Variants in UNC13C observed in about 807,000 individuals in gnomAD.
The protein encoded by UNC13C is unc-13 homolog C.
A neutral mutation model predicts 245.4 loss-of-function variants in UNC13C; 174 were observed. The observed-to-expected ratio is 0.71, with a 90% confidence interval of 0.63 to 0.80. The LOEUF (loss-of-function observed/expected upper bound fraction) is 0.80. Among genes scored for constraint, UNC13C ranks in the 30% least tolerant of loss-of-function variants. The pLI is 0.00. For missense variants in UNC13C, 2,829 were observed against 2,602.9 expected (o/e 1.09, Z -1.89); for synonymous variants, 992 against 895.1 (o/e 1.11, Z -1.93).
chr15:53,952,054 T>C, the UNC13C span, among the ~76,000 whole-genome samples: 1 of 152,260 alleles, frequency 6.6e-6, no homozygotes, highest in African/African-American at 2.4e-5. Flanking sequence ...AATAGGATGA[T>C]GTGAGGGTTT....
chr15:54,286,464 C>T (rs1203570343), intron 10 of UNC13C, among the ~76,000 whole-genome samples: 4 of 152,150 alleles, frequency 2.6e-5, no homozygotes, highest in Non-Finnish European at 5.9e-5. Flanking sequence ...TGTTGTATTC[C>T]GAGATGGTTA....
At chr15:54,614,900 C>T (rs931025807) in intron 30 of UNC13C, among the ~76,000 whole-genome samples, 4 of 151,880 alleles carry the variant, frequency 2.6e-5, no homozygotes, top group Non-Finnish European at 2.9e-5. Flanking sequence ...TTTTAAAAAT[C>T]CTGATTTATT....
chr15:53,970,012 G>C, the UNC13C span, among the ~76,000 whole-genome samples: 9,878 of 150,766 alleles, frequency 0.066, 667 homozygotes, highest in African/African-American at 0.17. Context: ...AGCATAATGT[G>C]CTCACAGTTC....
At chr15:54,491,006 A>G (rs1209998368) in intron 19 of UNC13C, among the ~76,000 whole-genome samples, 2 of 152,226 alleles carry the variant, frequency 1.3e-5, no homozygotes, top group South Asian at 2.1e-4. Flanking sequence ...GGCACTTGCC[A>G]TATTGTATTG....
At position 54,112,255 on chromosome 15, in the gene UNC13C, C is replaced by T. The variant is rs532890427; in HGVS notation, c.2984-30763C>T. Among the ~76,000 whole-genome samples, 9 of 152,120 alleles carry T rather than the reference C, an allele frequency of 5.9e-5. No individual in the cohort carries two copies. The South Asian group carries it at 1.2e-3, about 21-fold the overall frequency. On this transcript the variant is annotated intron_variant, in intron 2 of 32. Coordinates refer to ENST00000260323, the MANE Select transcript of UNC13C (RefSeq NM_001080534.3). ...ACACTTGTGGAGTGAGGTTAAGAGC[C>T]GAGGTTTAATATGCAAAGAAAGAGA... is the stretch of plus-strand genomic sequence containing the variant.
chr15:54,486,511 A>G (rs1893420935), intron 19 of UNC13C, among the ~76,000 whole-genome samples: 1 of 152,114 alleles, frequency 6.6e-6, no homozygotes, highest in South Asian at 2.1e-4. Context: ...TAGAATAGTC[A>G]ATAAATATAT....
At chr15:54,068,976 A>G (rs145359364) in intron 2 of UNC13C, among the ~76,000 whole-genome samples, 96 of 152,326 alleles carry the variant, frequency 6.3e-4, no homozygotes, top group Middle Eastern at 3.4e-3. Flanking sequence ...TAAAAAGTTC[A>G]TTAGACTTAC....
chr15:54,079,967 AT>A (rs1379304699), intron 2 of UNC13C, among the ~76,000 whole-genome samples: 1 of 127,068 alleles, frequency 7.9e-6, no homozygotes, highest in Non-Finnish European at 1.7e-5. Flanking sequence ...GGCTTTGATT[AT>A]TTTGAGGTAC....
At chr15:54,054,156 G>A (rs919095560) in intron 2 of UNC13C, among the ~76,000 whole-genome samples, 2 of 152,086 alleles carry the variant, frequency 1.3e-5, no homozygotes, top group South Asian at 2.1e-4. Flanking sequence ...GGGGATTGCT[G>A]GAGTATATCA....
intron 4 of UNC13C, among the ~76,000 whole-genome samples, chr15:54,184,837 T>G (rs546665896): frequency 1.3e-5 from 2 of 152,136 alleles, no homozygotes; most frequent in East Asian, 3.9e-4. Flanking sequence ...CCTGAGCAAT[T>G]GCCACACCGA....
chr15:54,598,303 C>T (rs1192268640), intron 30 of UNC13C, among the ~76,000 whole-genome samples: 1 of 152,202 alleles, frequency 6.6e-6, no homozygotes, highest in Non-Finnish European at 1.5e-5. Context: ...CCATGTTGGC[C>T]AGACTGGCCT....
At chr15:53,852,272 G>A in the UNC13C span, among the ~76,000 whole-genome samples, 1 of 152,158 alleles carries the variant, frequency 6.6e-6, no homozygotes, top group Admixed American at 6.5e-5. Context: ...TGATTGGATT[G>A]TTGAGTAAGA....
At chr15:54,616,927 TCTATGTTTAG>T (rs1430954985) in intron 30 of UNC13C, among the ~76,000 whole-genome samples, 3 of 152,050 alleles carry the variant, frequency 2.0e-5, no homozygotes, top group Non-Finnish European at 4.4e-5. Flanking sequence ...CTATATCTTC[TCTATGTTTAG>T]CTATGTTTAG....
chr15:54,612,411 G>C (rs1011021213), intron 30 of UNC13C, among the ~76,000 whole-genome samples: 6 of 151,928 alleles, frequency 3.9e-5, no homozygotes, highest in African/African-American at 1.4e-4. Flanking sequence ...TATACATTAG[G>C]GATAGTAACC....
intron 4 of UNC13C, among the ~76,000 whole-genome samples, chr15:54,222,199 A>G (rs1278062548): frequency 6.6e-6 from 1 of 151,796 alleles, no homozygotes; most frequent in African/African-American, 2.4e-5. Flanking sequence ...CATTCTATCC[A>G]TTATATTTTT....
At chr15:54,255,006 G>A (rs1052458542) in intron 8 of UNC13C, among the ~76,000 whole-genome samples, 7 of 152,128 alleles carry the variant, frequency 4.6e-5, no homozygotes, top group Admixed American at 4.6e-4. Flanking sequence ...TCCTTGCAGG[G>A]CGTGTGATGG....
chr15:54,092,413 G>A (rs1211146203), intron 2 of UNC13C, among the ~76,000 whole-genome samples: 2 of 152,084 alleles, frequency 1.3e-5, no homozygotes, highest in Non-Finnish European at 2.9e-5. Context: ...AACAATACTA[G>A]CAACATTTTA....
chr15:54,176,035 A>G (rs1353288432), intron 4 of UNC13C, among the ~76,000 whole-genome samples: 4 of 152,170 alleles, frequency 2.6e-5, no homozygotes, highest in Admixed American at 6.5e-5. Context: ...CATCTCTCAC[A>G]CTTAGTGTAG....
chr15:54,003,166 C>T (rs1268022156), intron 1 of UNC13C, among the ~76,000 whole-genome samples: 1 of 152,126 alleles, frequency 6.6e-6, no homozygotes, highest in Non-Finnish European at 1.5e-5. Context: ...CTTTTTCAAT[C>T]ATATTGAGTT....
Sources: allele counts gnomAD v4.1 joint callset (sites outside exome capture counted in the v4.1 genomes callset), GRCh38; gene constraint gnomAD v4.1.1; transcripts MANE v1.5; gene names NCBI Gene and HGNC (gene_info 2026-07-23, HGNC 2026-07-21).